Variants in DCDC2C observed in about 807,000 individuals in gnomAD.
The protein encoded by DCDC2C is doublecortin domain-containing protein 2C.
DCDC2C carries 44 observed loss-of-function variants against 45.0 expected under a neutral mutation model. The ratio of observed to expected loss-of-function variants is 0.98; its 90% CI spans 0.77 to 1.26. The LOEUF is 1.26. DCDC2C is among the 50% of genes most tolerant of loss of function. The pLI, the probability that DCDC2C is intolerant of heterozygous loss-of-function variation, is 0.00. For missense variants in DCDC2C, 447 were observed against 468.9 expected (o/e 0.95, Z 0.43); for synonymous variants, 187 against 178.8 (o/e 1.05, Z -0.37).
Position 3,763,334 on chromosome 2 carries a change from G to A in DCDC2C, c.727-4420G>A, listed in dbSNP as rs1057115959. 3.3e-5 allele frequency among the ~76,000 whole-genome samples: 5 copies of A among 152,168 alleles called. No homozygotes were observed. In the South Asian group the frequency reaches 6.2e-4, roughly 19 times the overall value. ...CCTGAGACCACACAGCTGACGTGGT[G>A]GGCCCGCGACCCAGCGCTGGTGAGC... On this transcript the variant is annotated intron_variant, in intron 6 of 10. Coordinates refer to ENST00000399143, the MANE Select transcript of DCDC2C (RefSeq NM_001287444.2).
At chr2:3,834,095 C>G (rs1481863812) in intron 10 of DCDC2C, among the ~76,000 whole-genome samples, 1 of 151,188 alleles carries the variant, frequency 6.6e-6, no homozygotes, top group Non-Finnish European at 1.5e-5. Flanking sequence ...CCCTCCTGCC[C>G]CCCCTACCTC....
chr2:3,754,491 G>T, intron 5 of DCDC2C, 101 bp from the exon 6 acceptor site: 1 of 1,179,458 alleles, frequency 8.5e-7, no homozygotes, highest in Non-Finnish European at 1.2e-6. Flanking sequence ...GCTCCTCCTC[G>T]TGGTCACTTC....
intron 6 of DCDC2C, among the ~76,000 whole-genome samples, chr2:3,766,521 T>C (rs1417718622): frequency 1.3e-5 from 2 of 152,184 alleles, no homozygotes; most frequent in African/African-American, 4.8e-5. Flanking sequence ...AAGAACATGA[T>C]TTCAGCTCGT....
At position 3,761,901 on chromosome 2, in the gene DCDC2C, G is replaced by T. The variant is rs1481678980; in HGVS notation, c.727-5853G>T. On this transcript the variant is annotated intron_variant, in intron 6 of 10. Coordinates refer to ENST00000399143, the MANE Select transcript of DCDC2C (RefSeq NM_001287444.2). The surrounding 1 kb of genome is among the most constrained non-coding windows in gnomAD (Gnocchi z 4.3). ...TGGATTAATTGAAATAGGCTCTGGA[G>T]AAAAATAATAGTCTTTAAAGCACTG... 6.6e-6 allele frequency among the ~76,000 whole-genome samples: 1 copy of T among 152,174 alleles called. No homozygotes were observed. Among genetic ancestry groups the T allele is most frequent in the Non-Finnish European group, 1.5e-5 (1 of 68,030 alleles).
chr2:3,751,761 C>T (rs1669549922), intron 4 of DCDC2C, among the ~76,000 whole-genome samples: 1 of 152,236 alleles, frequency 6.6e-6, no homozygotes, highest in Non-Finnish European at 1.5e-5. Context: ...CTTGCAGAAG[C>T]TCTGAGCCTC....
Position 3,734,609 on chromosome 2 carries a change from C to T in DCDC2C, c.417-7311C>T, listed in dbSNP as rs542543994. Among the ~76,000 whole-genome samples, 10 of 152,220 alleles carry T rather than the reference C, an allele frequency of 6.6e-5. No individual in the cohort carries two copies. In the East Asian group the frequency reaches 9.7e-4, roughly 15 times the overall value. On this transcript the variant is annotated intron_variant, in intron 3 of 10. Coordinates refer to ENST00000399143, the MANE Select transcript of DCDC2C (RefSeq NM_001287444.2). This position sits in a 1 kb window ranked among gnomAD's most constrained non-coding sequence, Gnocchi z 4.2. ...AGCAGTGGGGTCTGTAGGGTCTGAA[C>T]GGGATGAGGAATGTGTGTGTCTAAT...
intron 2 of DCDC2C, among the ~76,000 whole-genome samples, chr2:3,723,051 T>C (rs1465691614): frequency 6.6e-6 from 1 of 152,232 alleles, no homozygotes; most frequent in Non-Finnish European, 1.5e-5. Flanking sequence ...CATTTCCACC[T>C]TCTTCCATGG....
At chr2:3,751,729 A>C (rs999364455) in intron 4 of DCDC2C, among the ~76,000 whole-genome samples, 15 of 151,866 alleles carry the variant, frequency 9.9e-5, no homozygotes, top group African/African-American at 3.6e-4. Flanking sequence ...TCCTGCCCTA[A>C]TTCATTCCTT....
At chr2:3,810,262 C>T (rs1295572116) in intron 10 of DCDC2C, among the ~76,000 whole-genome samples, 1 of 152,202 alleles carries the variant, frequency 6.6e-6, no homozygotes, top group African/African-American at 2.4e-5. Flanking sequence ...TCCCTTGTTT[C>T]CTGACTTTTT....
At chr2:3,724,245 G>A (rs1037286154) in intron 2 of DCDC2C, among the ~76,000 whole-genome samples, 1 of 152,154 alleles carries the variant, frequency 6.6e-6, no homozygotes, top group African/African-American at 2.4e-5. Flanking sequence ...CCAAAGCCTG[G>A]GGTCTTCCCG....
intron 10 of DCDC2C, among the ~76,000 whole-genome samples, chr2:3,793,125 A>G (rs564457480): frequency 1.3e-5 from 2 of 152,248 alleles, no homozygotes; most frequent in South Asian, 4.1e-4. Flanking sequence ...GTTGCAAAAA[A>G]GAGGTCCATA....
chr2:3,829,802 C>A (rs1419154068), intron 10 of DCDC2C, among the ~76,000 whole-genome samples: 3 of 152,172 alleles, frequency 2.0e-5, no homozygotes, highest in Non-Finnish European at 4.4e-5. Context: ...TCTCTCTCAC[C>A]ACTCACAGAA....
intron 10 of DCDC2C, among the ~76,000 whole-genome samples, chr2:3,835,603 G>A (rs1672057496): frequency 6.6e-6 from 1 of 152,196 alleles, no homozygotes; most frequent in Non-Finnish European, 1.5e-5. Flanking sequence ...TTTCTACTTG[G>A]TGAAAGGAAG....
intron 3 of DCDC2C, among the ~76,000 whole-genome samples, chr2:3,729,173 A>T (rs1473621350): frequency 6.6e-6 from 1 of 152,118 alleles, no homozygotes; most frequent in Admixed American, 6.5e-5. Context: ...AGCTGGCAAA[A>T]GTTGTCTGGG....
intron 3 of DCDC2C, among the ~76,000 whole-genome samples, chr2:3,729,395 G>C (rs58754868): frequency 4.8e-4 from 73 of 152,318 alleles, no homozygotes; most frequent in African/African-American, 1.7e-3. Context: ...TAGTGAAAGC[G>C]GCAAAAACAG....
rs546650637 is a variant in DCDC2C, at chr2:3,779,963, T to A, written c.1023+1079T>A. 7.2e-5 allele frequency among the ~76,000 whole-genome samples: 11 copies of A among 152,250 alleles called. 1 individual carries two copies. In the South Asian group the frequency reaches 2.3e-3, roughly 32 times the overall value. ...CCTCAGGAAGTTAGTTCAGGTTTTT[T>A]AGAAAACACCAAAGCAGCTTCTGAT... is the stretch of plus-strand genomic sequence containing the variant. On this transcript the variant is annotated intron_variant, in intron 9 of 10. Coordinates refer to ENST00000399143, the MANE Select transcript of DCDC2C (RefSeq NM_001287444.2).
At chr2:3,770,874 T>C (rs1670145737) in intron 8 of DCDC2C, among the ~76,000 whole-genome samples, 1 of 152,206 alleles carries the variant, frequency 6.6e-6, no homozygotes, top group Admixed American at 6.5e-5. Context: ...CCCGCACTAA[T>C]GTGAGGTGAG....
Position 3,738,623 on chromosome 2 carries a change from C to T in DCDC2C, c.417-3297C>T, listed in dbSNP as rs913267103. On this transcript the variant is annotated intron_variant, in intron 3 of 10. Coordinates refer to ENST00000399143, the MANE Select transcript of DCDC2C (RefSeq NM_001287444.2). ...TAGTGATTCCCCCAGAGGGAGCCAG[C>T]GTTGCAGTTTCTGGTCTCTTTCTAG... Among the ~76,000 whole-genome samples, 5 of 148,720 alleles carry T rather than the reference C, an allele frequency of 3.4e-5. No homozygotes were observed. In the East Asian group the frequency reaches 6.0e-4, roughly 18 times the overall value.
At chr2:3,845,139 G>C (rs746804583) in intron 10 of DCDC2C, among the ~76,000 whole-genome samples, 2 of 152,156 alleles carry the variant, frequency 1.3e-5, no homozygotes, top group African/African-American at 2.4e-5. Context: ...TCCTCTTTAA[G>C]GGTATGCACG....
Sources: allele counts gnomAD v4.1 joint callset (sites outside exome capture counted in the v4.1 genomes callset), GRCh38; gene constraint gnomAD v4.1.1; non-coding constraint Gnocchi (gnomAD v3.1); transcripts MANE v1.5; gene names NCBI Gene and HGNC (gene_info 2026-07-23, HGNC 2026-07-21).